Variants in TASP1 observed in about 807,000 individuals in gnomAD.
TASP1 encodes taspase 1.
Under a neutral mutation model 56.6 loss-of-function variants are expected in TASP1, and 16 were observed. The ratio of observed to expected loss-of-function variants is 0.28; its 90% CI spans 0.19 to 0.43. The LOEUF is 0.43. TASP1 is among the 20% of genes least tolerant of loss of function. The probability of loss-of-function intolerance (pLI) is 1.00; values close to 1 mark genes in which losing one functional copy is unlikely to be tolerated. For synonymous variants in TASP1, 179 were observed against 184.2 expected (o/e 0.97, Z 0.23); for missense variants, 393 against 511.6 (o/e 0.77, Z 2.24).
chr20:13,423,269 C>T (rs1044128649), intron 12 of TASP1, among the ~76,000 whole-genome samples: 8 of 152,200 alleles, frequency 5.3e-5, no homozygotes, highest in African/African-American at 1.9e-4. Context: ...AAATCCAAAA[C>T]CAAATCAAAA....
chr20:13,117,743 T>G, the TASP1 span: 1 of 1,593,614 alleles, frequency 6.3e-7, no homozygotes, highest in Non-Finnish European at 8.5e-7. Context: ...AGGGCCTGCT[T>G]GTGTCTGTTT....
chr20:13,160,251 A>G, the TASP1 span: 1 of 1,271,090 alleles, frequency 7.9e-7, no homozygotes. Flanking sequence ...GGAAAACAAC[A>G]CTGACAAAAG....
chr20:13,478,011 T>C (rs2043001926), intron 11 of TASP1, among the ~76,000 whole-genome samples: 1 of 152,120 alleles, frequency 6.6e-6, no homozygotes, highest in African/African-American at 2.4e-5. Context: ...AAAAATAGAT[T>C]TAAACAAACC....
chr20:13,179,580 C>A, the TASP1 span, among the ~76,000 whole-genome samples: 1 of 152,102 alleles, frequency 6.6e-6, no homozygotes, highest in African/African-American at 2.4e-5. Context: ...GGGTACTGGA[C>A]CCTGAAGATA....
the TASP1 span, among the ~76,000 whole-genome samples, chr20:13,342,052 C>A: frequency 6.6e-6 from 1 of 152,188 alleles, no homozygotes; most frequent in Non-Finnish European, 1.5e-5. Flanking sequence ...AAGTCCCAGG[C>A]CAGCCCAGGT....
chr20:13,265,950 C>G, the TASP1 span, among the ~76,000 whole-genome samples: 53 of 152,194 alleles, frequency 3.5e-4, no homozygotes, highest in African/African-American at 1.2e-3. Flanking sequence ...ACTACAGCCT[C>G]CATCCTCAGG....
intron 11 of TASP1, among the ~76,000 whole-genome samples, chr20:13,454,142 C>T (rs941065669): frequency 6.6e-5 from 10 of 151,892 alleles, no homozygotes; most frequent in African/African-American, 2.4e-4. Flanking sequence ...ACAGTAATCA[C>T]ACTGGAAACC....
intron 6 of TASP1, among the ~76,000 whole-genome samples, chr20:13,576,568 A>G (rs2046936162): frequency 6.6e-6 from 1 of 152,120 alleles, no homozygotes; most frequent in Non-Finnish European, 1.5e-5. Context: ...AAAGTGAAGT[A>G]CCAGGTATAA....
rs191185068 is a variant in TASP1 at position 13,605,437 on chromosome 20, G to A, written c.282+18009C>T. 5.0e-3 allele frequency among the ~76,000 whole-genome samples: 758 copies of A among 152,186 alleles called. 3 individuals are homozygous for A. The highest frequency in any genetic ancestry group is 8.5e-3 in the Non-Finnish European group (575 of 68,020). ...CCTTATAAATAATAAAATCACTTTT[G>A]GAGGCTGAGACAGGAGGATCACTCA... On this transcript the variant is annotated intron_variant, in intron 4 of 13. Transcript: ENST00000337743.
chr20:13,585,633 C>T (rs2047276382), intron 5 of TASP1, among the ~76,000 whole-genome samples: 1 of 152,096 alleles, frequency 6.6e-6, no homozygotes, highest in South Asian at 2.1e-4. Flanking sequence ...CCACTACACA[C>T]ATAAATCACT....
chr20:13,474,905 T>TC (rs2044666324), intron 11 of TASP1, among the ~76,000 whole-genome samples: 1 of 152,192 alleles, frequency 6.6e-6, no homozygotes, highest in South Asian at 2.1e-4. Flanking sequence ...AGCATTTTTT[T>TC]CATGTTTGTT....
chr20:13,240,709 T>C, the TASP1 span, among the ~76,000 whole-genome samples: 1 of 152,192 alleles, frequency 6.6e-6, no homozygotes, highest in Non-Finnish European at 1.5e-5. Flanking sequence ...CATAGATATG[T>C]TAGAAAATTT....
intron 13 of TASP1, among the ~76,000 whole-genome samples, chr20:13,396,710 T>C (rs969176340): frequency 2.6e-5 from 4 of 152,214 alleles, no homozygotes; most frequent in African/African-American, 9.6e-5. Flanking sequence ...CAATCAGAAA[T>C]ATCAACAGAA....
chr20:13,165,702 C>T, the TASP1 span: 2 of 152,174 alleles, frequency 1.3e-5, no homozygotes, highest in African/African-American at 4.8e-5. Context: ...CCTCTATTAC[C>T]TTAAGGAATT....
the TASP1 span, among the ~76,000 whole-genome samples, chr20:13,282,362 A>G: frequency 2.6e-5 from 4 of 152,278 alleles, no homozygotes; most frequent in South Asian, 2.1e-4. Flanking sequence ...TCCTTTTTCA[A>G]TCAAGGTCAC....
chr20:13,309,152 C>A, the TASP1 span, among the ~76,000 whole-genome samples: 1 of 151,940 alleles, frequency 6.6e-6, no homozygotes, highest in Non-Finnish European at 1.5e-5. Context: ...ATCTGGACAC[C>A]AACATACATA....
intron 11 of TASP1, among the ~76,000 whole-genome samples, chr20:13,478,344 G>GAC (rs2043014422): frequency 9.0e-6 from 1 of 111,154 alleles, no homozygotes; most frequent in Non-Finnish European, 2.0e-5. Context: ...AAGAAAATAT[G>GAC]ATACACACAC....
chr20:13,409,915 A>G (rs1164383583), intron 13 of TASP1, among the ~76,000 whole-genome samples: 1 of 152,212 alleles, frequency 6.6e-6, no homozygotes, highest in Non-Finnish European at 1.5e-5. Context: ...ATCAAAAATT[A>G]GAACTCATAC....
the TASP1 span, among the ~76,000 whole-genome samples, chr20:13,123,805 C>T: frequency 2.0e-5 from 3 of 152,198 alleles, no homozygotes; most frequent in Non-Finnish European, 2.9e-5. Flanking sequence ...CACCTTGTTC[C>T]TGACACAGGT....
Sources: gnomAD v4.1 joint callset for allele counts (sites outside exome capture counted in the v4.1 genomes callset) on GRCh38, gnomAD v4.1.1 for gene constraint, MANE v1.5 for transcripts, NCBI Gene and HGNC (gene_info 2026-07-23, HGNC 2026-07-21) for gene names.